AOAH: variants seen among roughly 807,000 people sequenced by gnomAD.
The protein encoded by AOAH is acyloxyacyl hydrolase (neutrophil).
AOAH carries 64 observed loss-of-function variants against 92.2 expected under a neutral mutation model. The observed-to-expected ratio is 0.69, with a 90% CI of 0.57 to 0.86. AOAH has a LOEUF of 0.86. Ranked by LOEUF, AOAH falls within the 40% of genes least tolerant of loss-of-function variation. The pLI, the probability that AOAH is intolerant of heterozygous loss-of-function variation, is 0.00. For synonymous variants in AOAH, 263 were observed against 254.5 expected (o/e 1.03, Z -0.32); for missense variants, 656 against 694.6 (o/e 0.94, Z 0.62).
At chr7:36,693,408 C>T (rs112743855) in intron 1 of AOAH, among the ~76,000 whole-genome samples, 1 of 152,152 alleles carries the variant, frequency 6.6e-6, no homozygotes, top group Admixed American at 6.5e-5. Context: ...AGACTTTAAT[C>T]TTATTTCACA....
In AOAH at chr7:36,660,773, C is replaced by T. The variant is rs187803115; in HGVS notation, c.291-1508G>A. On this transcript the variant is annotated intron_variant, in intron 3 of 20. Transcript: ENST00000617537. Reference sequence around the variant, plus strand: ...CATTTTTTCTTTCCCACTCCCAAAACTCTTCTTACCAAGAAAAGTGAGTAT... The same window carrying T: ...CATTTTTTCTTTCCCACTCCCAAAATTCTTCTTACCAAGAAAAGTGAGTAT... Among the ~76,000 whole-genome samples the T allele has an allele frequency of 8.1e-4, 123 of 152,298 alleles. 1 individual carries two copies. The highest frequency in any genetic ancestry group is 2.9e-3 in the African/African-American group (120 of 41,570).
chr7:36,570,445 C>T (rs1401438600), intron 13 of AOAH, among the ~76,000 whole-genome samples: 2 of 152,158 alleles, frequency 1.3e-5, no homozygotes, highest in African/African-American at 2.4e-5. Context: ...TTGGCTGTTG[C>T]GAAGAATGCC....
chr7:36,544,851 T>A (rs974113684), intron 15 of AOAH, among the ~76,000 whole-genome samples: 1 of 152,064 alleles, frequency 6.6e-6, no homozygotes, highest in Non-Finnish European at 1.5e-5. Flanking sequence ...AGGAAGAAAC[T>A]GATCAGCCTG....
chr7:36,573,936 T>C (rs1467732984), intron 13 of AOAH, among the ~76,000 whole-genome samples: 2 of 152,122 alleles, frequency 1.3e-5, no homozygotes, highest in Non-Finnish European at 2.9e-5. Flanking sequence ...TGTAGCCCCA[T>C]AAATATGCAG....
intron 4 of AOAH, among the ~76,000 whole-genome samples, chr7:36,650,786 C>T (rs1183389138): frequency 6.6e-6 from 1 of 152,146 alleles, no homozygotes; most frequent in Non-Finnish European, 1.5e-5. Flanking sequence ...TTACAGAGCA[C>T]CTACTATGTG....
intron 1 of AOAH, among the ~76,000 whole-genome samples, chr7:36,718,808 C>T (rs534094356): frequency 1.3e-5 from 2 of 152,154 alleles, no homozygotes; most frequent in East Asian, 1.9e-4. Context: ...GGAGTAAATG[C>T]TAAGAGAATT....
intron 3 of AOAH, among the ~76,000 whole-genome samples, chr7:36,671,424 G>A (rs115245664): frequency 0.016 from 2,453 of 152,256 alleles, 60 homozygotes; most frequent in African/African-American, 0.056. Flanking sequence ...TGAATAAAAT[G>A]TAGTCCTAGC....
At chr7:36,679,781 C>T (rs1354226460) in intron 2 of AOAH, among the ~76,000 whole-genome samples, 1 of 152,128 alleles carries the variant, frequency 6.6e-6, no homozygotes, top group Non-Finnish European at 1.5e-5. Context: ...CGTCAGCCTC[C>T]TGAGTAGCTA....
chr7:36,533,683 GT>G (rs1429322095), intron 16 of AOAH, among the ~76,000 whole-genome samples: 1 of 150,252 alleles, frequency 6.7e-6, no homozygotes, highest in Admixed American at 6.6e-5. Context: ...GTGTGCGTGT[GT>G]GTGTGTGTGT....
At chr7:36,677,181 A>G (rs1484403248) in intron 2 of AOAH, among the ~76,000 whole-genome samples, 1 of 152,220 alleles carries the variant, frequency 6.6e-6, no homozygotes. Context: ...TTTGCCAATC[A>G]TATATCAAAT....
At chr7:36,594,127 C>A (rs991627983) in intron 12 of AOAH, among the ~76,000 whole-genome samples, 1 of 152,220 alleles carries the variant, frequency 6.6e-6, no homozygotes, top group Non-Finnish European at 1.5e-5. Context: ...ACTCCACCCC[C>A]ACCCTGCCCA....
intron 13 of AOAH, among the ~76,000 whole-genome samples, chr7:36,560,536 A>T (rs1466256768): frequency 1.3e-5 from 2 of 152,296 alleles, no homozygotes; most frequent in South Asian, 4.1e-4. Flanking sequence ...CTCAGCTTGA[A>T]TGTTATAGAT....
intron 1 of AOAH, among the ~76,000 whole-genome samples, chr7:36,692,676 G>A (rs1797477051): frequency 6.6e-6 from 1 of 152,158 alleles, no homozygotes; most frequent in Admixed American, 6.6e-5. Context: ...TACTAAAAAT[G>A]AAAGTGAAGA....
intron 12 of AOAH, among the ~76,000 whole-genome samples, chr7:36,587,130 G>C (rs144002360): frequency 0.016 from 2,477 of 151,970 alleles, 79 homozygotes; most frequent in African/African-American, 0.055. Flanking sequence ...AAATTAGATG[G>C]GTGTGGCAGC....
chr7:36,590,648 C>T (rs1789677077), intron 12 of AOAH, among the ~76,000 whole-genome samples: 1 of 152,206 alleles, frequency 6.6e-6, no homozygotes, highest in Admixed American at 6.5e-5. Context: ...ACGCTGTTGA[C>T]ACCCATAGCA....
chr7:36,677,592 C>A (rs1796336737), intron 2 of AOAH, among the ~76,000 whole-genome samples: 1 of 152,024 alleles, frequency 6.6e-6, no homozygotes. Flanking sequence ...TATATATGAT[C>A]CAGCAATGTG....
intron 13 of AOAH, among the ~76,000 whole-genome samples, chr7:36,558,887 C>T (rs980813969): frequency 2.0e-5 from 3 of 152,268 alleles, no homozygotes; most frequent in Non-Finnish European, 2.9e-5. Context: ...TCACCCACTT[C>T]CTTGACCAGG....
intron 11 of AOAH, among the ~76,000 whole-genome samples, chr7:36,608,354 G>C (rs1481205648): frequency 6.6e-6 from 1 of 152,216 alleles, no homozygotes; most frequent in Non-Finnish European, 1.5e-5. Flanking sequence ...ATAAGTGACA[G>C]GTTGCAGAAT....
At chr7:36,647,416 G>A (rs1001364087) in intron 4 of AOAH, among the ~76,000 whole-genome samples, 1 of 152,198 alleles carries the variant, frequency 6.6e-6, no homozygotes, top group Non-Finnish European at 1.5e-5. Flanking sequence ...AGTCATTAGC[G>A]TCATTAGCGA....
Sources: gnomAD v4.1 joint callset for allele counts (sites outside exome capture counted in the v4.1 genomes callset) on GRCh38, gnomAD v4.1.1 for gene constraint, MANE v1.5 for transcripts, NCBI Gene and HGNC (gene_info 2026-07-23, HGNC 2026-07-21) for gene names.